Variants in PDILT observed in about 807,000 individuals in gnomAD.
PDILT encodes the protein protein disulfide isomerase like, testis expressed, also known as protein disulfide-isomerase-like protein of the testis.
Under a neutral mutation model 53.7 loss-of-function variants are expected in PDILT, and 43 were observed. The ratio of observed to expected loss-of-function variants is 0.80; its 90% CI spans 0.63 to 1.03. The LOEUF (loss-of-function observed/expected upper bound fraction) is 1.03, where lower values mean the gene tolerates loss of function less well. PDILT is among the 50% of genes least tolerant of loss of function. PDILT has a pLI of 0.00. For missense variants in PDILT, 727 were observed against 712.3 expected, an observed-to-expected ratio of 1.02 and a Z score of -0.24; for synonymous variants, 282 against 274.2, an observed-to-expected ratio of 1.03 and a Z score of -0.28.
intron 3 of PDILT, among the ~76,000 whole-genome samples, chr16:20,384,189 T>C (rs890320348): frequency 2.6e-5 from 4 of 152,112 alleles, no homozygotes; most frequent in Non-Finnish European, 5.9e-5. Context: ...TGTCTGATAG[T>C]TTCTAAGCCA....
chr16:20,389,616 C>T (rs1203840685), intron 2 of PDILT, among the ~76,000 whole-genome samples: 7 of 152,172 alleles, frequency 4.6e-5, no homozygotes, highest in African/African-American at 1.7e-4. Context: ...AGGGTAAGCA[C>T]ACGGGACTCA....
intron 3 of PDILT, among the ~76,000 whole-genome samples, chr16:20,379,597 G>A (rs181609517): frequency 3.9e-4 from 59 of 152,340 alleles, no homozygotes; most frequent in Non-Finnish European, 6.8e-4. Flanking sequence ...TTCCAGGCAT[G>A]AGTCACCATG....
At chr16:20,364,362 G>C (rs938704907) in intron 9 of PDILT, among the ~76,000 whole-genome samples, 4 of 152,224 alleles carry the variant, frequency 2.6e-5, no homozygotes, top group Non-Finnish European at 5.9e-5. Flanking sequence ...GCATGATGCA[G>C]TGTAGCCCTT....
chr16:20,379,250 C>T (rs986997025), intron 3 of PDILT, among the ~76,000 whole-genome samples: 1 of 151,990 alleles, frequency 6.6e-6, no homozygotes, highest in African/African-American at 2.4e-5. Context: ...TCTTGGCTCA[C>T]CGTACCTCTG....
chr16:20,393,909 T>G (rs1013319485), intron 2 of PDILT, among the ~76,000 whole-genome samples: 1 of 152,254 alleles, frequency 6.6e-6, no homozygotes, highest in African/African-American at 2.4e-5. Flanking sequence ...CTGATGCACA[T>G]TCAGTTTTAA....
At chr16:20,401,633 C>A in intron 1 of PDILT, among the ~76,000 whole-genome samples, 1 of 152,280 alleles carries the variant, frequency 6.6e-6, no homozygotes, top group East Asian at 1.9e-4. Flanking sequence ...GATTGTGAGA[C>A]CATCTCTGAG....
intron 2 of PDILT, among the ~76,000 whole-genome samples, chr16:20,397,984 A>G (rs1966683673): frequency 6.6e-6 from 1 of 152,114 alleles, no homozygotes; most frequent in Admixed American, 6.6e-5. Flanking sequence ...ACATGGGACA[A>G]CATGGGGTCT....
chr16:20,400,785 A>G (rs919280422), intron 1 of PDILT, among the ~76,000 whole-genome samples: 3 of 152,192 alleles, frequency 2.0e-5, no homozygotes, highest in Non-Finnish European at 4.4e-5. Context: ...CATTTCACCC[A>G]TAAATATTTT....
In PDILT at chr16:20,359,574, A is replaced by T; in HGVS notation, c.1507-7T>A. On this transcript the variant is annotated splice_polypyrimidine_tract_variant and splice_region_variant and intron_variant, in intron 11 of 11. Transcript: ENST00000302451. ...TTTGCTCAACAGACAACAGCTATGA[A>T]AGCAAAGGTGGAAGGAAGAAGGGAG... The T allele has an allele frequency of 6.2e-7, 1 of 1,612,212 alleles. No homozygotes were observed. Among genetic ancestry groups the T allele is most frequent in the African/African-American group, 1.3e-5 (1 of 75,004 alleles).
In PDILT at chr16:20,401,795, A is replaced by C. The variant is rs1362355514; in HGVS notation, c.-7-2488T>G. ...GAGCAAAAGCCAGGCGGGAGGAGCT[A>C]CAGTGGGCTCCCTCTCATGTCCTCG... On this transcript the variant is annotated intron_variant, in intron 1 of 11. Coordinates refer to ENST00000302451, the MANE Select transcript of PDILT (RefSeq NM_174924.2). Among the ~76,000 whole-genome samples, 6 of 152,352 alleles carry C rather than the reference A, an allele frequency of 3.9e-5. No homozygotes were observed. The East Asian group carries it at 7.7e-4, about 20-fold the overall frequency.
chr16:20,364,349 C>A (rs1044512317), intron 9 of PDILT, among the ~76,000 whole-genome samples: 2 of 152,200 alleles, frequency 1.3e-5, no homozygotes, highest in Non-Finnish European at 2.9e-5. Context: ...TTGTAAAAGG[C>A]CTGCATGATG....
chr16:20,378,383 T>TCTTCTTCTC (rs1193805023), intron 3 of PDILT, among the ~76,000 whole-genome samples: 3 of 151,906 alleles, frequency 2.0e-5, no homozygotes, highest in Non-Finnish European at 4.4e-5. Flanking sequence ...TCTAACTACT[T>TCTTCTTCTC]CTTCTTCTCC....
intron 2 of PDILT, among the ~76,000 whole-genome samples, chr16:20,396,349 A>T (rs1404657921): frequency 2.6e-5 from 4 of 152,216 alleles, no homozygotes; most frequent in African/African-American, 9.6e-5. Flanking sequence ...AAGATGCATG[A>T]ATGATTCAGG....
intron 1 of PDILT, among the ~76,000 whole-genome samples, chr16:20,402,534 G>A (rs1221450730): frequency 6.6e-6 from 1 of 152,186 alleles, no homozygotes; most frequent in Non-Finnish European, 1.5e-5. Flanking sequence ...CCTGACCTCA[G>A]GTGATCCGCC....
chr16:20,380,148 C>T (rs1309712777), intron 3 of PDILT, among the ~76,000 whole-genome samples: 1 of 152,174 alleles, frequency 6.6e-6, no homozygotes. Flanking sequence ...CACACTCCAA[C>T]GTTACAGTTA....
chr16:20,362,328 G>C, intron 10 of PDILT, 76 bp downstream of exon 10: 1 of 1,489,564 alleles, frequency 6.7e-7, no homozygotes, highest in Non-Finnish European at 9.2e-7. Context: ...AAGCGCAGCT[G>C]GTGGTAGGGA....
chr16:20,390,658 T>C (rs1034458263), intron 2 of PDILT: 6 of 152,240 alleles, frequency 3.9e-5, no homozygotes, highest in African/African-American at 1.4e-4. Context: ...TTCACCACTA[T>C]ATCCTCAGTG....
chr16:20,392,280 C>A (rs533458026), intron 2 of PDILT, among the ~76,000 whole-genome samples: 2 of 152,282 alleles, frequency 1.3e-5, no homozygotes, highest in Admixed American at 6.5e-5. Flanking sequence ...ACATAAGGAG[C>A]AGCAGATTGT....
Position 20,363,475 on chromosome 16 carries a change from ATGTGTG to A in PDILT, c.1238-899_1238-894del, listed in dbSNP as rs10535681. On this transcript the variant is annotated intron_variant, in intron 9 of 11. Transcript: ENST00000302451. ...TGTGTGTGTGTTTTTGTGTATGTGT[ATGTGTG>A]TGTGTGTGTGTGTGTGTGTGCATAT... Among the ~76,000 whole-genome samples, 64 of 110,426 alleles carry A rather than the reference ATGTGTG, an allele frequency of 5.8e-4. No individual in the cohort carries two copies. The Middle Eastern group carries it at 0.016, about 28-fold the overall frequency. The allele number at this position is 110,426 out of a possible 152,430, so 72.4% of individuals were successfully genotyped here. A position where few individuals can be genotyped will look rare whatever the true frequency, so the allele number is the denominator to read the frequency against.
Sources: gnomAD v4.1 joint callset for allele counts (sites outside exome capture counted in the v4.1 genomes callset) on GRCh38, gnomAD v4.1.1 for gene constraint, MANE v1.5 for transcripts, NCBI Gene and HGNC (gene_info 2026-07-23, HGNC 2026-07-21) for gene names.